SIGLEC8: variants seen among roughly 807,000 people sequenced by gnomAD.
The protein encoded by SIGLEC8 is sialic acid binding Ig like lectin 8, also known as sialic acid-binding Ig-like lectin 8.
SIGLEC8 carries 32 observed loss-of-function variants against 42.1 expected under a neutral mutation model. The observed-to-expected ratio is 0.76, with a 90% CI of 0.57 to 1.02. SIGLEC8 has a LOEUF of 1.02. SIGLEC8 is among the 50% of genes least tolerant of loss of function. SIGLEC8 has a pLI of 0.00. For missense variants in SIGLEC8, 611 were observed against 610.2 expected (o/e 1.00, Z -0.01); for synonymous variants, 262 against 260.3 (o/e 1.01, Z -0.06).
chr19:51,457,146 C>A, intron 3 of SIGLEC8, 38 bp downstream of exon 3: 4 of 1,590,778 alleles, frequency 2.5e-6, no homozygotes, highest in Middle Eastern at 1.7e-4. Flanking sequence ...AGCTGAAGGC[C>A]CTGCTCCCCC....
rs1989375836 is a variant in SIGLEC8, at chr19:51,452,125, A to T, written c.*254T>A. On this transcript the variant is annotated 3_prime_UTR_variant, in exon 7 of 7. Transcript: ENST00000321424. ...GAGAACATGGATGAACCTAGGGGAT[A>T]TTTTTTTGTGTAAAATGAGCCACAC... 8.2e-6 allele frequency: 3 copies of T among 364,676 alleles called. No homozygotes were observed. Among genetic ancestry groups the T allele is most frequent in the Non-Finnish European group, 1.5e-5 (3 of 204,068 alleles). The allele number at this position is 364,676 out of a possible 1,614,324, so 22.6% of individuals were successfully genotyped here. A position where few individuals can be genotyped will look rare whatever the true frequency, so the allele number is the denominator to read the frequency against.
Position 51,452,399 on chromosome 19 carries a change from TG to T in SIGLEC8, c.1479del (p.Ser494AlafsTer15). 6.2e-7 allele frequency: 1 copy of T among 1,603,792 alleles called. No individual in the cohort carries two copies. Among genetic ancestry groups the T allele is most frequent in the Non-Finnish European group, 8.5e-7 (1 of 1,171,280 alleles). On this transcript the variant is annotated frameshift_variant, in exon 7 of 7. Coordinates refer to ENST00000321424, the MANE Select transcript of SIGLEC8 (RefSeq NM_014442.3). LOFTEE classifies it low-confidence loss of function (END_TRUNC). ...GAGAATCAGCCTCTGACTTCTTTGC[TG>T]GAGGGGTTGTGATTCCTCAAACAGG... Reference protein sequence around the residue: ...TQACLRNHNPSSKEVRG With the variant: ...TQACLRNHNPXSKEVRG
At position 51,452,446 on chromosome 19, in the gene SIGLEC8, C is replaced by T. The variant is rs747089378; in HGVS notation, c.1433G>A (p.Arg478Gln). 1.4e-5 allele frequency: 23 copies of T among 1,612,866 alleles called. No individual in the cohort carries two copies. The highest frequency in any genetic ancestry group is 4.5e-5 in the East Asian group (2 of 44,848). The change falls in exon 7 of 7, where the codon CGA (arginine) becomes CAA (glutamine). Residue 478 changes from arginine (R) to glutamine (Q), a missense_variant. Arg to Gln is a conservative substitution (Grantham distance 43, BLOSUM62 1). Coordinates refer to ENST00000321424, the MANE Select transcript of SIGLEC8 (RefSeq NM_014442.3). ...ACAGGCCTGAGTCTCTGCAGTTTCT[C>T]GCTTGTGGATCTTGATCTCCGAGTA... ...SEYSEIKIHKRETAETQACLR... is the reference protein window; with the variant it reads ...SEYSEIKIHKQETAETQACLR...
chr19:51,453,743 A>G (rs887157902), intron 6 of SIGLEC8: 5 of 983,792 alleles, frequency 5.1e-6, no homozygotes, highest in Non-Finnish European at 4.8e-6. Context: ...AAATTATGAT[A>G]CAACGGGCAA....
rs1270170412 is a variant in SIGLEC8 at position 51,454,549 on chromosome 19, C to A, written c.1148+135G>T. On this transcript the variant is annotated intron_variant, in intron 5 of 6. Transcript: ENST00000321424. This position sits in a 1 kb window ranked among gnomAD's most constrained non-coding sequence, Gnocchi z 4.7. ...CAGACAAGGACGCTCGTGAAATGCT[C>A]ACCGTGCACCCGTGAGCTCATTCTT... 4 of 1,011,280 alleles carry A rather than the reference C, an allele frequency of 4.0e-6. No individual in the cohort carries two copies. The Admixed American group carries it at 9.0e-5, about 23-fold the overall frequency. The allele number at this position is 1,011,280 out of a possible 1,614,324, so 62.6% of individuals were successfully genotyped here. A position where few individuals can be genotyped will look rare whatever the true frequency, so the allele number is the denominator to read the frequency against.
At position 51,452,639 on chromosome 19, in the gene SIGLEC8, C is replaced by CAG. The variant is rs753947101; in HGVS notation, c.1246-8_1246-7dup. ...CAGGATTCAGTCAGGGGTCCCTGGA[C>CAG]AGAGAGAGAGAAGGGAGTCAGAACA... On this transcript the variant is annotated splice_polypyrimidine_tract_variant and splice_region_variant and intron_variant, in intron 6 of 6. Transcript: ENST00000321424. The CAG allele has an allele frequency of 1.2e-5, 18 of 1,511,216 alleles. No homozygotes were observed. Among genetic ancestry groups the CAG allele is most frequent in the South Asian group, 2.7e-5 (2 of 75,064 alleles). 93.6% of individuals were successfully genotyped at this position (1,511,216 alleles called of 1,614,324 possible).
Position 51,457,544 on chromosome 19 carries a change from T to C in SIGLEC8, c.650A>G (p.Asp217Gly), listed in dbSNP as rs1599930526. 14 of 1,613,858 alleles carry C rather than the reference T, an allele frequency of 8.7e-6. No homozygotes were observed. In the Middle Eastern group the frequency reaches 5.0e-4, roughly 58 times the overall value. ...SVLTLTPKPQ[D>G]HGTSLTCQVT... ...CTGACAGGTGAGGCTGGTGCCGTGG[T>C]CCTGGGGCTTTGGGGTAAGGGTGAG... Residue 217 changes from aspartate (D) to glycine (G), a missense_variant, in exon 2 of 7, where the codon GAC becomes GGC. Transcript: ENST00000321424.
At position 51,458,040 on chromosome 19, in the gene SIGLEC8, C is replaced by T; in HGVS notation, c.348G>A (p.Lys116=). The T allele has an allele frequency of 1.9e-6, 3 of 1,614,196 alleles. No individual in the cohort carries two copies. Among genetic ancestry groups the T allele is most frequent in the Non-Finnish European group, 2.5e-6 (3 of 1,180,026 alleles). ...DCSLSIRDAR[K]RDKGSYFFRL... ...GAAAGAAATATGACCCCTTATCCCTCTTCCTGGCGTCTCTGATGCTCAGGG... is the reference window on the plus strand; with the variant it reads ...GAAAGAAATATGACCCCTTATCCCTTTTCCTGGCGTCTCTGATGCTCAGGG... Residue 116 remains lysine, a synonymous_variant, in exon 1 of 7, where the codon AAG becomes AAA. Coordinates refer to ENST00000321424, the MANE Select transcript of SIGLEC8 (RefSeq NM_014442.3).
intron 4 of SIGLEC8, among the ~76,000 whole-genome samples, chr19:51,455,036 T>C (rs1989455791): frequency 6.6e-6 from 1 of 152,232 alleles, no homozygotes; most frequent in Non-Finnish European, 1.5e-5. Context: ...ATTTTAGTTT[T>C]TTCAAAAGAT....
intron 3 of SIGLEC8, among the ~76,000 whole-genome samples, chr19:51,456,080 T>A (rs1166046491): frequency 1.7e-4 from 14 of 81,144 alleles, no homozygotes; most frequent in East Asian, 4.3e-4. Context: ...TGTTGTGGGG[T>A]GGGGGGAGGG....
At chr19:51,456,850 G>T (rs1311422328) in intron 3 of SIGLEC8, among the ~76,000 whole-genome samples, 1 of 152,176 alleles carries the variant, frequency 6.6e-6, no homozygotes, top group Admixed American at 6.5e-5. Context: ...AAGTATTCAG[G>T]AGATGCCTGA....
At chr19:51,456,355 G>T (rs746731439) in intron 3 of SIGLEC8, among the ~76,000 whole-genome samples, 1 of 152,202 alleles carries the variant, frequency 6.6e-6, no homozygotes, top group Non-Finnish European at 1.5e-5. Flanking sequence ...CGCACACTCA[G>T]TGCTGGGAAT....
rs1217753046 is a variant in SIGLEC8, at chr19:51,458,273, C to G, written c.115G>C (p.Glu39Gln). The change falls in exon 1 of 7, where the codon GAG becomes CAG. Residue 39 changes from glutamate (E) to glutamine (Q), a missense_variant. Transcript: ENST00000321424. ...LQVQELVTVQ[E>Q]GLCVHVPCSF... ...CAGGGCACATGGACACACAGGCCCT[C>G]CTGCACCGTCACCAGCTCCTGCACT... 3.1e-6 allele frequency: 5 copies of G among 1,614,032 alleles called. No homozygotes were observed. The highest frequency in any genetic ancestry group is 3.3e-5 in the Admixed American group (2 of 60,010).
intron 6 of SIGLEC8, 64 bp from the exon 7 acceptor site, chr19:51,452,697 C>G (rs1445140180): frequency 8.0e-6 from 11 of 1,382,754 alleles, no homozygotes; most frequent in Non-Finnish European, 1.0e-5. Flanking sequence ...CAGGGAGAGT[C>G]CAGGAAGGAG....
chr19:51,455,544 T>C lies in SIGLEC8; in HGVS notation c.925A>G (p.Asn309Asp). The change falls in exon 4 of 7, where the codon AAC (asparagine) becomes GAC (aspartate). Residue 309 changes from asparagine to aspartate, a missense_variant. Physicochemically the swap from Asn to Asp is conservative, Grantham distance 23. Coordinates refer to ENST00000321424, the MANE Select transcript of SIGLEC8 (RefSeq NM_014442.3). The stretch of plus-strand genomic sequence containing the variant: ...CGAGGCAGCTCCAGCAGCCCAGGGT[T>C]TGAGGACCGTGAGGGGCACAGGGTC... ...SLTLCPSRSS[N>D]PGLLELPRVH... 1 of 1,614,024 alleles carries C rather than the reference T, an allele frequency of 6.2e-7. No homozygotes were observed. The highest frequency in any genetic ancestry group is 8.5e-7 in the Non-Finnish European group (1 of 1,179,980).
chr19:51,458,130 T>C lies in SIGLEC8; in HGVS notation c.258A>G (p.Arg86=), dbSNP rs74491275. ...DAPVATNNPD[R]EVQAETQGRF... ...GGCCCTGGGTCTCTGCCTGCACTTCTCTGTCTGGGTTGTTTGTGGCCACTG... is the reference window on the plus strand; with the variant it reads ...GGCCCTGGGTCTCTGCCTGCACTTCCCTGTCTGGGTTGTTTGTGGCCACTG... Residue 86 remains arginine (R), a synonymous_variant, in exon 1 of 7, where the codon AGA becomes AGG. Transcript: ENST00000321424. 1,329 of 1,614,130 alleles carry C rather than the reference T, an allele frequency of 8.2e-4. 14 individuals carry two copies. The African/African-American group carries it at 0.015, about 19-fold the overall frequency.
Position 51,454,358 on chromosome 19 carries a change from G to A in SIGLEC8, c.1149-43C>T, listed in dbSNP as rs1479082914. On this transcript the variant is annotated intron_variant, in intron 5 of 6. Transcript: ENST00000321424. The surrounding 1 kb of genome is among the most constrained non-coding windows in gnomAD (Gnocchi z 4.7). ...AGAGCCTTTCAGTGTGGTCAGATCG[G>A]GGTGCAGTGGGCAGACCAACCCCTG... 1.4e-5 allele frequency: 22 copies of A among 1,612,118 alleles called. No homozygotes were observed. The highest frequency in any genetic ancestry group is 1.9e-5 in the Non-Finnish European group (22 of 1,179,908).
Position 51,452,301 on chromosome 19 carries a change from T to G in SIGLEC8, c.*78A>C. On this transcript the variant is annotated 3_prime_UTR_variant, in exon 7 of 7. Transcript: ENST00000321424. ...GGAAAGGGGAGACATTGGTCCAAGT[T>G]TTGGTTAGACAGGAGGAGGGAGCCC... is the stretch of plus-strand genomic sequence containing the variant. The G allele has an allele frequency of 1.5e-6, 2 of 1,299,762 alleles. No individual in the cohort carries two copies. Among genetic ancestry groups the G allele is most frequent in the Non-Finnish European group, 2.1e-6 (2 of 950,618 alleles). 80.5% of individuals were successfully genotyped at this position (1,299,762 alleles called of 1,614,324 possible).
Position 51,457,170 on chromosome 19 carries a change from G to A in SIGLEC8, c.781+14C>T, listed in dbSNP as rs868103984. The stretch of plus-strand genomic sequence containing the variant: ...CCCTGCTCCCCCAACCCCAGGGAGG[G>A]GGCTCTGTCCTACCTGTGGCATCTC... On this transcript the variant is annotated intron_variant, in intron 3 of 6. Coordinates refer to ENST00000321424, the MANE Select transcript of SIGLEC8 (RefSeq NM_014442.3). 6.2e-7 allele frequency: 1 copy of A among 1,612,258 alleles called. No individual in the cohort carries two copies. Among genetic ancestry groups the A allele is most frequent in the South Asian group, 1.1e-5 (1 of 91,034 alleles).
Sources: allele counts gnomAD v4.1 joint callset (sites outside exome capture counted in the v4.1 genomes callset), GRCh38; gene constraint gnomAD v4.1.1; non-coding constraint Gnocchi (gnomAD v3.1); transcripts MANE v1.5; gene names NCBI Gene and HGNC (gene_info 2026-07-23, HGNC 2026-07-21).